Variants in TBCE observed in about 807,000 individuals in gnomAD.
TBCE encodes tubulin-specific chaperone E.
TBCE carries 53 observed loss-of-function variants against 77.0 expected under a neutral mutation model. The observed-to-expected ratio is 0.69, with a 90% CI of 0.55 to 0.87. The LOEUF (loss-of-function observed/expected upper bound fraction) is 0.87. Ranked by LOEUF, TBCE falls within the 40% of genes least tolerant of loss-of-function variation. TBCE has a pLI of 0.00. For missense variants in TBCE, 624 were observed against 622.4 expected (o/e 1.00, Z -0.03); for synonymous variants, 235 against 241.3 (o/e 0.97, Z 0.24).
chr1:235,423,726 C>G (rs1680541230), intron 5 of TBCE: 1 of 152,546 alleles, frequency 6.6e-6, no homozygotes, highest in African/African-American at 2.4e-5. Context: ...CCTGCACCGA[C>G]TCTTTTCCCT....
Position 235,373,836 on chromosome 1 carries a change from A to G in TBCE, c.-31-6183A>G, listed in dbSNP as rs1483116081. On this transcript the variant is annotated intron_variant, in intron 1 of 16. Coordinates refer to ENST00000642610, the MANE Select transcript of TBCE (RefSeq NM_003193.5). ...GCTAATTTTTTTGTATTTTTAGTAG[A>G]GACGGTGTTTCACCGTGTTAGCCAG... is the stretch of plus-strand genomic sequence containing the variant. Among the ~76,000 whole-genome samples the G allele has an allele frequency of 2.8e-5, 4 of 144,862 alleles. 1 individual carries two copies. Among genetic ancestry groups the G allele is most frequent in the Non-Finnish European group, 6.0e-5 (4 of 66,278 alleles).
At chr1:235,378,222 TTTTG>T (rs367878781) in intron 1 of TBCE, among the ~76,000 whole-genome samples, 90 of 152,308 alleles carry the variant, frequency 5.9e-4, no homozygotes, top group Non-Finnish European at 1.1e-3. Flanking sequence ...ATTTGTGTTT[TTTTG>T]TTTGTTTGTT....
intron 1 of TBCE, among the ~76,000 whole-genome samples, chr1:235,375,962 C>T (rs542919364): frequency 2.0e-5 from 3 of 152,102 alleles, no homozygotes; most frequent in East Asian, 1.9e-4. Flanking sequence ...GCAGGAGAAT[C>T]GCTTGAACCC....
At chr1:235,445,434 G>A (rs71640701) in intron 15 of TBCE, among the ~76,000 whole-genome samples, 19,638 of 152,186 alleles carry the variant, frequency 0.13, 1,620 homozygotes, top group African/African-American at 0.23. Flanking sequence ...TTCGAGACCA[G>A]CCTGAGCAAC....
intron 2 of TBCE, among the ~76,000 whole-genome samples, chr1:235,392,321 C>T (rs931183409): frequency 6.6e-6 from 1 of 151,866 alleles, no homozygotes; most frequent in Non-Finnish European, 1.5e-5. Context: ...TGCCACTGCA[C>T]TCCAGGCTGG....
At chr1:235,370,650 A>G (rs1676865084) in intron 1 of TBCE, among the ~76,000 whole-genome samples, 1 of 151,532 alleles carries the variant, frequency 6.6e-6, no homozygotes, top group South Asian at 2.1e-4. Context: ...CTTTTAGCAG[A>G]CACTCCATAA....
intron 2 of TBCE, among the ~76,000 whole-genome samples, chr1:235,393,494 C>T (rs1478308556): frequency 3.9e-5 from 6 of 151,908 alleles, no homozygotes; most frequent in Non-Finnish European, 7.4e-5. Context: ...GCCGAGATGG[C>T]GCCACTGCAC....
rs867629940 is a variant in TBCE at position 235,408,088 on chromosome 1, C to T, written c.186-6345C>T. ...CTTTAATACTTAGCATCAGAGAGGTCGTGCTGTTCCAGCCTGTGTCTGTGG... is the reference window on the plus strand; with the variant it reads ...CTTTAATACTTAGCATCAGAGAGGTTGTGCTGTTCCAGCCTGTGTCTGTGG... On this transcript the variant is annotated intron_variant, in intron 3 of 16. Transcript: ENST00000642610. Among the ~76,000 whole-genome samples the T allele has an allele frequency of 1.6e-4, 24 of 152,252 alleles. 1 individual carries two copies. Among genetic ancestry groups the T allele is most frequent in the Middle Eastern group, 6.8e-3 (2 of 294 alleles).
chr1:235,381,357 T>A (rs1453046927), intron 2 of TBCE, among the ~76,000 whole-genome samples: 1 of 151,960 alleles, frequency 6.6e-6, no homozygotes, highest in East Asian at 1.9e-4. Flanking sequence ...TCTCTCTAGT[T>A]TCCAAGTTTT....
intron 4 of TBCE, among the ~76,000 whole-genome samples, chr1:235,417,997 G>T (rs1270760837): frequency 1.3e-5 from 2 of 152,088 alleles, no homozygotes; most frequent in African/African-American, 4.8e-5. Flanking sequence ...GGCCAGGCTG[G>T]TCTCGAACTC....
chr1:235,372,338 G>A (rs866911901), intron 1 of TBCE, among the ~76,000 whole-genome samples: 5 of 152,144 alleles, frequency 3.3e-5, no homozygotes, highest in South Asian at 2.1e-4. Flanking sequence ...GATTACAGGC[G>A]TGAGCCACCG....
chr1:235,426,026 C>T (rs191331042), intron 5 of TBCE, among the ~76,000 whole-genome samples: 6 of 152,192 alleles, frequency 3.9e-5, no homozygotes, highest in African/African-American at 1.2e-4. Context: ...TTGCTCACTG[C>T]GATGCTCCTG....
chr1:235,433,034 G>C lies in TBCE; in HGVS notation c.661-1170G>C, dbSNP rs753308633. On this transcript the variant is annotated intron_variant, in intron 7 of 16. Coordinates refer to ENST00000642610, the MANE Select transcript of TBCE (RefSeq NM_003193.5). ...GTGGATCTGTGCGTGCTGCAGAAAT[G>C]CTCCACCAGCAACTGCATCATCAGT... is the stretch of plus-strand genomic sequence containing the variant. The C allele has an allele frequency of 3.2e-5, 50 of 1,545,924 alleles. No homozygotes were observed. The highest frequency in any genetic ancestry group is 1.9e-4 in the Admixed American group (10 of 51,974).
chr1:235,434,700 C>T (rs1168216296), intron 8 of TBCE, among the ~76,000 whole-genome samples: 4 of 151,918 alleles, frequency 2.6e-5, no homozygotes, highest in Admixed American at 6.6e-5. Flanking sequence ...CCATGCCCGG[C>T]TAATTTTCTT....
chr1:235,424,817 C>A (rs1006698845), intron 5 of TBCE, among the ~76,000 whole-genome samples: 4 of 151,720 alleles, frequency 2.6e-5, no homozygotes, highest in African/African-American at 9.7e-5. Flanking sequence ...ATTTTTGTAT[C>A]TTTAGTAGAG....
chr1:235,440,262 G>A (rs539140203), intron 13 of TBCE, among the ~76,000 whole-genome samples: 138 of 152,230 alleles, frequency 9.1e-4, no homozygotes, highest in African/African-American at 2.4e-3. Flanking sequence ...GAGCCACCGC[G>A]CCCAGCCAGG....
At chr1:235,410,699 A>C (rs553766027) in intron 3 of TBCE, among the ~76,000 whole-genome samples, 1 of 152,216 alleles carries the variant, frequency 6.6e-6, no homozygotes, top group Admixed American at 6.5e-5. Context: ...CGTCTCTGAC[A>C]TATTTCCCCC....
At chr1:235,368,415 A>G (rs1033024165) in intron 1 of TBCE, among the ~76,000 whole-genome samples, 3 of 144,662 alleles carry the variant, frequency 2.1e-5, no homozygotes. Context: ...TAATTTAGCC[A>G]CGGCCGCTGT....
At chr1:235,374,176 G>A (rs1259552198) in intron 1 of TBCE, among the ~76,000 whole-genome samples, 2 of 143,326 alleles carry the variant, frequency 1.4e-5, no homozygotes, top group Non-Finnish European at 3.0e-5. Context: ...GGCTGGCCTC[G>A]AACTCCTGAC....
Sources: allele counts gnomAD v4.1 joint callset (sites outside exome capture counted in the v4.1 genomes callset), GRCh38; gene constraint gnomAD v4.1.1; transcripts MANE v1.5; gene names NCBI Gene and HGNC (gene_info 2026-07-23, HGNC 2026-07-21).